Variants in PSMB7 observed in about 807,000 individuals in gnomAD.
PSMB7 encodes proteasome 20S subunit beta 7.
PSMB7 carries 5 observed loss-of-function variants against 28.1 expected under a neutral mutation model. The observed-to-expected ratio is 0.18, with a 90% CI of 0.09 to 0.37. The LOEUF (loss-of-function observed/expected upper bound fraction) is 0.37, where lower values mean the gene tolerates loss of function less well. PSMB7 is among the 10% of genes least tolerant of loss of function. The pLI is 1.00. For missense variants in PSMB7, 275 were observed against 346.2 expected (o/e 0.79, Z 1.63); for synonymous variants, 122 against 123.7 (o/e 0.99, Z 0.09).
chr9:124,415,303 G>C, intron 1 of PSMB7, 61 bp downstream of exon 1: 1 of 1,539,856 alleles, frequency 6.5e-7, no homozygotes, highest in Admixed American at 1.7e-5. Context: ...CCTTGGCCCA[G>C]CTCCCACCCG....
At chr9:124,365,842 G>A (rs969631786) in intron 6 of PSMB7, among the ~76,000 whole-genome samples, 1 of 152,164 alleles carries the variant, frequency 6.6e-6, no homozygotes, top group African/African-American at 2.4e-5. Flanking sequence ...TTGAGCCTGG[G>A]AGGTTCAGGT....
At chr9:124,392,006 A>C (rs1830792740) in intron 5 of PSMB7, among the ~76,000 whole-genome samples, 1 of 152,234 alleles carries the variant, frequency 6.6e-6, no homozygotes, top group South Asian at 2.1e-4. Context: ...TGCTTTTTCT[A>C]ATAAGGTGCT....
chr9:124,379,811 C>T (rs1830647456), intron 6 of PSMB7, among the ~76,000 whole-genome samples: 1 of 152,206 alleles, frequency 6.6e-6, no homozygotes, highest in African/African-American at 2.4e-5. Flanking sequence ...TCCTCTGTTA[C>T]CTTGAAAAGA....
chr9:124,413,617 A>T (rs1831054102), intron 3 of PSMB7, among the ~76,000 whole-genome samples: 1 of 152,224 alleles, frequency 6.6e-6, no homozygotes, highest in Non-Finnish European at 1.5e-5. Flanking sequence ...ATGTTTGAAA[A>T]AAAGAAAAAG....
chr9:124,405,506 A>G, intron 4 of PSMB7, 74 bp from the exon 5 acceptor site: 1 of 1,032,876 alleles, frequency 9.7e-7, no homozygotes, highest in Non-Finnish European at 1.5e-6. Flanking sequence ...CAAAAGTTGC[A>G]TGAGAAGTCA....
At chr9:124,366,059 C>G (rs1395621518) in intron 6 of PSMB7, among the ~76,000 whole-genome samples, 1 of 152,066 alleles carries the variant, frequency 6.6e-6, no homozygotes. Context: ...GTGTTTGTGC[C>G]TTAGTTTTTA....
At chr9:124,398,418 C>A (rs775531518) in intron 5 of PSMB7, 2 of 313,182 alleles carry the variant, frequency 6.4e-6, no homozygotes, top group South Asian at 2.8e-5. Context: ...AAAGCCCAGG[C>A]GAGTACAAAA....
At chr9:124,403,955 G>C (rs370682184) in intron 5 of PSMB7, among the ~76,000 whole-genome samples, 7 of 146,452 alleles carry the variant, frequency 4.8e-5, no homozygotes, top group African/African-American at 1.8e-4. Flanking sequence ...ACAATGGCTT[G>C]ATCACAGCTC....
Position 124,412,446 on chromosome 9 carries a change from G to C in PSMB7, c.301C>G (p.Leu101Val), listed in dbSNP as rs1198554331. 1 of 1,614,036 alleles carries C rather than the reference G, an allele frequency of 6.2e-7. No individual in the cohort carries two copies. The highest frequency in any genetic ancestry group is 8.5e-7 in the Non-Finnish European group (1 of 1,180,016). ...TAADTDMTTQ[L>V]ISSNLELHSL... ...TGGAGCTCCAGGTTGGAAGAAATGA[G>C]CTGGGTTGTCATGTCTGTGTCTGCA... is the stretch of plus-strand genomic sequence containing the variant. Residue 101 changes from leucine to valine, a missense_variant, in exon 4 of 8, where the codon CTC becomes GTC. Leu to Val is a conservative substitution (Grantham distance 32, BLOSUM62 1). This residue lies in a region of PSMB7 where 213 missense variants were observed against 302.4 expected (regional missense o/e 0.70). Transcript: ENST00000259457.
intron 4 of PSMB7, among the ~76,000 whole-genome samples, chr9:124,408,457 T>C (rs1350407304): frequency 6.6e-6 from 1 of 152,150 alleles, no homozygotes; most frequent in Non-Finnish European, 1.5e-5. Flanking sequence ...ATTGGTTAAG[T>C]TGTAACATAG....
chr9:124,401,549 G>T (rs192853020), intron 5 of PSMB7, among the ~76,000 whole-genome samples: 21 of 152,370 alleles, frequency 1.4e-4, no homozygotes, highest in Admixed American at 1.2e-3. Context: ...CTCAAGTGAA[G>T]TTCTTCCTGA....
rs140707924 is a variant in PSMB7, at chr9:124,397,985, C to T, written c.511+7332G>A. ...GAGTTCAAGACCAGCCTGGCCAACA[C>T]GGTGAAACCCCGTCTCTACTAAAAA... On this transcript the variant is annotated intron_variant, in intron 5 of 7. Transcript: ENST00000259457. 9.9e-3 allele frequency among the ~76,000 whole-genome samples: 1,507 copies of T among 152,132 alleles called. 21 individuals carry two copies. Among genetic ancestry groups the T allele is most frequent in the African/African-American group, 0.035 (1,446 of 41,504 alleles).
intron 7 of PSMB7, among the ~76,000 whole-genome samples, chr9:124,353,968 C>G (rs190671433): frequency 1.3e-5 from 2 of 152,194 alleles, no homozygotes; most frequent in African/African-American, 2.4e-5. Context: ...ACTCTCCCCC[C>G]ACCCCACCAT....
intron 4 of PSMB7, among the ~76,000 whole-genome samples, chr9:124,409,116 A>G (rs1564687323): frequency 2.0e-5 from 3 of 152,186 alleles, no homozygotes; most frequent in Admixed American, 6.5e-5. Context: ...CTTTTTGTTC[A>G]TATCTTCCAG....
intron 5 of PSMB7, among the ~76,000 whole-genome samples, chr9:124,386,387 C>A (rs1830718789): frequency 6.6e-6 from 1 of 152,192 alleles, no homozygotes; most frequent in Admixed American, 6.5e-5. Flanking sequence ...ATTCAGGGGT[C>A]AAGGGGGAAA....
chr9:124,377,786 T>C (rs1830627893), intron 6 of PSMB7, among the ~76,000 whole-genome samples: 1 of 152,214 alleles, frequency 6.6e-6, no homozygotes. Flanking sequence ...TCACCACCTA[T>C]CTTCATAGCT....
chr9:124,386,227 T>C (rs1182272605), intron 5 of PSMB7, among the ~76,000 whole-genome samples: 1 of 148,896 alleles, frequency 6.7e-6, no homozygotes, highest in East Asian at 2.0e-4. Flanking sequence ...TAAACAGATA[T>C]AAAACTAGTA....
At chr9:124,396,327 T>C (rs1450207584) in intron 5 of PSMB7, among the ~76,000 whole-genome samples, 1 of 75,962 alleles carries the variant, frequency 1.3e-5, no homozygotes, top group Non-Finnish European at 4.4e-5. Context: ...GGTTGTACTT[T>C]AGTGTAAAAA....
chr9:124,400,609 G>A (rs7864941), intron 5 of PSMB7, among the ~76,000 whole-genome samples: 51,677 of 152,020 alleles, frequency 0.34, 9,432 homozygotes, highest in Non-Finnish European at 0.42. Flanking sequence ...AGCTGTGCCC[G>A]CAGCATAGAC....
Sources: gnomAD v4.1 joint callset for allele counts (sites outside exome capture counted in the v4.1 genomes callset) on GRCh38, gnomAD v4.1.1 for gene constraint, gnomAD v4.1.1 regional missense constraint, MANE v1.5 for transcripts, NCBI Gene and HGNC (gene_info 2026-07-23, HGNC 2026-07-21) for gene names.